The following STRN variants were observed in gnomAD, a reference collection of about 807,000 sequenced individuals.
STRN encodes protein phosphatase 2 regulatory subunit B'''alpha.
A neutral mutation model predicts 96.3 loss-of-function variants in STRN; 53 were observed. The observed-to-expected ratio is 0.55, with a 90% confidence interval of 0.44 to 0.69. The LOEUF (loss-of-function observed/expected upper bound fraction) is 0.69, where lower values mean the gene tolerates loss of function less well. Ranked by LOEUF, STRN falls within the 30% of genes least tolerant of loss-of-function variation. STRN has a pLI of 0.00. For synonymous variants in STRN, 428 were observed against 355.9 expected (o/e 1.20, Z -2.28); for missense variants, 987 against 963.9 (o/e 1.02, Z -0.32).
chr2:36,917,897 T>C (rs1472476614), intron 2 of STRN, among the ~76,000 whole-genome samples: 1 of 152,212 alleles, frequency 6.6e-6, no homozygotes, highest in African/African-American at 2.4e-5. Flanking sequence ...CAAAATACTA[T>C]GTATGTCTCC....
intron 1 of STRN, among the ~76,000 whole-genome samples, chr2:36,929,560 T>G (rs1470141779): frequency 6.6e-6 from 1 of 152,068 alleles, no homozygotes; most frequent in Non-Finnish European, 1.5e-5. Context: ...AATTTTTGTA[T>G]TTTTAGTAGA....
At chr2:36,853,051 G>C (rs1234315082) in intron 15 of STRN, among the ~76,000 whole-genome samples, 1 of 152,156 alleles carries the variant, frequency 6.6e-6, no homozygotes, top group Admixed American at 6.5e-5. Flanking sequence ...CAGCTACTTG[G>C]GAGGCTGAGG....
chr2:36,934,480 A>C lies in STRN; in HGVS notation c.235-9272T>G, dbSNP rs72873821. The stretch of plus-strand genomic sequence containing the variant: ...TCTCAGAAAGCATTACTTGCAAATG[A>C]TAAGTCTTCTATAACGTATGATTTT... On this transcript the variant is annotated intron_variant, in intron 1 of 17. Transcript: ENST00000263918. Among the ~76,000 whole-genome samples the C allele has an allele frequency of 2.3e-3, 348 of 152,306 alleles. 1 individual carries two copies. Among genetic ancestry groups the C allele is most frequent in the African/African-American group, 7.7e-3 (320 of 41,570 alleles).
rs189191101 is a variant in STRN at position 36,876,439 on chromosome 2, T to G, written c.1323+1452A>C. On this transcript the variant is annotated intron_variant, in intron 10 of 17. Transcript: ENST00000263918. ...TACGGATTTCAACTGTCTTTGGAGG[T>G]AGAACCCAAAAGACTTACTAATGGG... Among the ~76,000 whole-genome samples, 3 of 152,150 alleles carry G rather than the reference T, an allele frequency of 2.0e-5. No individual in the cohort carries two copies. The East Asian group carries it at 5.8e-4, about 29-fold the overall frequency.
chr2:36,935,979 G>A (rs1164785073), intron 1 of STRN, among the ~76,000 whole-genome samples: 1 of 151,184 alleles, frequency 6.6e-6, no homozygotes, highest in Non-Finnish European at 1.5e-5. Context: ...AAAAAACGTT[G>A]GTATTAACAT....
intron 5 of STRN, among the ~76,000 whole-genome samples, chr2:36,900,154 C>T (rs1669645725): frequency 6.6e-6 from 1 of 152,160 alleles, no homozygotes; most frequent in Non-Finnish European, 1.5e-5. Flanking sequence ...CTCAGCCTCC[C>T]AAAGTGCTGG....
At position 36,838,810 on chromosome 2, in the gene STRN, ATAGACT is replaced by A. The variant is rs1164572789; in HGVS notation, c.*10640_*10645del. Among the ~76,000 whole-genome samples, 2 of 152,218 alleles carry A rather than the reference ATAGACT, an allele frequency of 1.3e-5. No individual in the cohort carries two copies. The highest frequency in any genetic ancestry group is 2.9e-5 in the Non-Finnish European group (2 of 68,026). On this transcript the variant is annotated 3_prime_UTR_variant, in exon 18 of 18. Coordinates refer to ENST00000263918, the MANE Select transcript of STRN (RefSeq NM_003162.4). ...TAATAAAAAGGAAATAAGAGCTATGATAGACTTAGAGAAATTCTCATCCTACATTGT... is the reference window on the plus strand; with the variant it reads ...TAATAAAAAGGAAATAAGAGCTATGATAGAGAAATTCTCATCCTACATTGT...
chr2:36,962,273 A>G (rs1399609765), intron 1 of STRN, among the ~76,000 whole-genome samples: 1 of 152,176 alleles, frequency 6.6e-6, no homozygotes, highest in Non-Finnish European at 1.5e-5. Flanking sequence ...TCCACACCAC[A>G]TGCCCTAAGC....
chr2:36,857,163 G>C (rs114146049), intron 14 of STRN, among the ~76,000 whole-genome samples: 1 of 150,520 alleles, frequency 6.6e-6, no homozygotes, highest in South Asian at 2.1e-4. Flanking sequence ...CTGGCCTCTC[G>C]TGATCCTCCT....
intron 5 of STRN, among the ~76,000 whole-genome samples, chr2:36,901,299 T>C (rs535184789): frequency 2.0e-5 from 3 of 152,262 alleles, no homozygotes; most frequent in Middle Eastern, 3.4e-3. Context: ...ATGCCGGTAA[T>C]CCCAGTACTT....
intron 11 of STRN, 100 bp downstream of exon 11, chr2:36,869,454 G>C: frequency 2.7e-6 from 3 of 1,115,820 alleles, no homozygotes; most frequent in Non-Finnish European, 1.2e-6. Context: ...AGAACTAGAA[G>C]AAATGTTTGG....
chr2:36,901,141 T>G (rs1280164070), intron 5 of STRN, among the ~76,000 whole-genome samples: 1 of 152,196 alleles, frequency 6.6e-6, no homozygotes, highest in Non-Finnish European at 1.5e-5. Context: ...TCGGACAGAT[T>G]AGCAACAGTA....
chr2:36,877,953 G>C lies in STRN; in HGVS notation c.1261C>G (p.Leu421Val), dbSNP rs199848077. The change falls in exon 10 of 18, where the codon CTG (leucine) becomes GTG (valine). Residue 421 changes from leucine to valine, a missense_variant. Leu to Val is a conservative substitution (Grantham distance 32, BLOSUM62 1). Coordinates refer to ENST00000263918, the MANE Select transcript of STRN (RefSeq NM_003162.4). ...MGADEALESE[L>V]GLGELAGLTV... ...AGGCCTGCTAGTTCTCCAAGTCCCA[G>C]TTCACTTTCAAGGGCTTCATCTGCT... 13 of 1,614,170 alleles carry C rather than the reference G, an allele frequency of 8.1e-6. No homozygotes were observed. The highest frequency in any genetic ancestry group is 1.3e-5 in the African/African-American group (1 of 75,048).
At chr2:36,899,287 T>A (rs1558643799) in intron 6 of STRN, among the ~76,000 whole-genome samples, 1 of 152,210 alleles carries the variant, frequency 6.6e-6, no homozygotes, top group Non-Finnish European at 1.5e-5. Context: ...ATAGAAAAGT[T>A]GTCCTGTTCA....
At position 36,877,855 on chromosome 2, in the gene STRN, C is replaced by T. The variant is rs146291040; in HGVS notation, c.1323+36G>A. On this transcript the variant is annotated intron_variant, in intron 10 of 17. Transcript: ENST00000263918. ...CAGCCCAAGTTTTTGTTTTTAAAAA[C>T]CAAGTAAACACAACAAAAACAAAAC... The T allele has an allele frequency of 3.7e-6, 6 of 1,609,162 alleles. No homozygotes were observed. The African/African-American group carries it at 8.0e-5, about 22-fold the overall frequency.
intron 12 of STRN, among the ~76,000 whole-genome samples, chr2:36,865,366 TTTTC>T (rs1668594613): frequency 6.6e-6 from 1 of 152,172 alleles, no homozygotes; most frequent in Admixed American, 6.5e-5. Flanking sequence ...TCTTCTCTTT[TTTTC>T]TTTATTAGTT....
intron 1 of STRN, among the ~76,000 whole-genome samples, chr2:36,945,018 G>A (rs1024633371): frequency 2.0e-5 from 3 of 152,104 alleles, no homozygotes; most frequent in Admixed American, 1.3e-4. Flanking sequence ...TGTATATATA[G>A]CCAACAAACC....
rs1670433456 is a variant in STRN, at chr2:36,927,211, A to AAAG, written c.235-2006_235-2004dup. On this transcript the variant is annotated intron_variant, in intron 1 of 17. Coordinates refer to ENST00000263918, the MANE Select transcript of STRN (RefSeq NM_003162.4). ...TCAAGCATAAGAGAAATTACAATTA[A>AAAG]AAGTATAATCAGAGGCTGGGCACAG... Among the ~76,000 whole-genome samples the AAAG allele has an allele frequency of 2.6e-5, 4 of 152,162 alleles. No homozygotes were observed. In the South Asian group the frequency reaches 8.3e-4, roughly 32 times the overall value.
intron 6 of STRN, among the ~76,000 whole-genome samples, chr2:36,897,067 T>C (rs905989770): frequency 1.3e-5 from 2 of 151,816 alleles, no homozygotes; most frequent in African/African-American, 2.4e-5. Context: ...CTCGGGAGGC[T>C]GAGACAGGAG....
Sources: gnomAD v4.1 joint callset for allele counts (sites outside exome capture counted in the v4.1 genomes callset) on GRCh38, gnomAD v4.1.1 for gene constraint, MANE v1.5 for transcripts, NCBI Gene and HGNC (gene_info 2026-07-23, HGNC 2026-07-21) for gene names.